The following PNKP variants were observed in gnomAD, a reference collection of about 807,000 sequenced individuals.
PNKP encodes bifunctional polynucleotide phosphatase/kinase.
Under a neutral mutation model 66.2 loss-of-function variants are expected in PNKP, and 82 were observed. The observed-to-expected ratio is 1.24, with a 90% CI of 1.04 to 1.49. The LOEUF (loss-of-function observed/expected upper bound fraction) is 1.49, where lower values mean the gene tolerates loss of function less well. Ranked by LOEUF, PNKP falls within the 40% of genes most tolerant of loss-of-function variation. PNKP has a pLI of 0.00. For missense variants in PNKP, 907 were observed against 706.8 expected, an observed-to-expected ratio of 1.28 and a Z score of -3.21; for synonymous variants, 412 against 298.9, an observed-to-expected ratio of 1.38 and a Z score of -3.90.
rs751664776 is a variant in PNKP, at chr19:49,862,532, C to T, written c.936+6G>A. ...TCGGGCGCGGGGCAGGGGGCAGGGG[C>T]CTCACCAGGCGATCGGCGCAGGAGA... is the stretch of plus-strand genomic sequence containing the variant. On this transcript the variant is annotated splice_donor_region_variant and intron_variant, in intron 10 of 16. Coordinates refer to ENST00000322344, the MANE Select transcript of PNKP (RefSeq NM_007254.4). 1.0e-5 allele frequency: 16 copies of T among 1,607,526 alleles called. No individual in the cohort carries two copies. Among genetic ancestry groups the T allele is most frequent in the Non-Finnish European group, 1.0e-5 (12 of 1,176,964 alleles).
chr19:49,863,645 GGAGT>G (rs1311766067), intron 8 of PNKP, 40 bp downstream of exon 8: 1 of 1,453,806 alleles, frequency 6.9e-7, no homozygotes, highest in Non-Finnish European at 9.4e-7. Flanking sequence ...GTGAGGGGCT[GGAGT>G]GAGGAAAAGG....
In PNKP at chr19:49,861,781, CT is replaced by C; in HGVS notation, c.1288del (p.Ser430AlafsTer37). 1.3e-6 allele frequency: 2 copies of C among 1,564,718 alleles called. No individual in the cohort carries two copies. Among genetic ancestry groups the C allele is most frequent in the Non-Finnish European group, 1.7e-6 (2 of 1,157,464 alleles). On this transcript the variant is annotated frameshift_variant, in exon 14 of 17. Coordinates refer to ENST00000322344, the MANE Select transcript of PNKP (RefSeq NM_007254.4). LOFTEE classifies it high-confidence loss of function. The part of the protein sequence containing the change: ...AIDNTNPDAA[S>X]RARYVQCARA... ...CCCGCGGTCACGCTACCTGGCGCGG[CT>C]CGCGGCGTCTGGGTTTGTGTTGTCG...
Position 49,865,169 on chromosome 19 carries a change from C to T in PNKP, c.456G>A (p.Lys152=), listed in dbSNP as rs752339576. ...KSNPGWENLE[K]LLVFTAAGVK... Reference sequence around the variant, plus strand: ...CCCCAGCTGCGGTGAACACTAGCAACTTCTCCAAGTTCTCCCAGCCGGGGT... The same window carrying T: ...CCCCAGCTGCGGTGAACACTAGCAATTTCTCCAAGTTCTCCCAGCCGGGGT... Residue 152 remains lysine, a synonymous_variant, in exon 4 of 17, where the codon AAG becomes AAA. Coordinates refer to ENST00000322344, the MANE Select transcript of PNKP (RefSeq NM_007254.4). The T allele has an allele frequency of 2.0e-5, 33 of 1,614,238 alleles. No individual in the cohort carries two copies. The South Asian group carries it at 3.3e-4, about 16-fold the overall frequency.
At chr19:49,862,663 C>T (rs746305526) in intron 9 of PNKP, 27 bp downstream of exon 9, 2 of 1,613,906 alleles carry the variant, frequency 1.2e-6, no homozygotes, top group Non-Finnish European at 1.7e-6. Context: ...CGTCCCAGCC[C>T]ACCCTCAGCA....
rs1238643725 is a variant in PNKP, at chr19:49,861,514, T to TG, written c.1387-5dup. On this transcript the variant is annotated splice_polypyrimidine_tract_variant and splice_region_variant and intron_variant, in intron 15 of 16. Coordinates refer to ENST00000322344, the MANE Select transcript of PNKP (RefSeq NM_007254.4). ...AGGAGTCCGTCATCTCTCGAAACTG[T>TG]GGGGAACATCAGAGGGGCGGCAGGC... 5.1e-6 allele frequency: 7 copies of TG among 1,372,942 alleles called. No individual in the cohort carries two copies. In the African/African-American group the frequency reaches 1.4e-4, roughly 27 times the overall value. The allele number at this position is 1,372,942 out of a possible 1,614,324, so 85.0% of individuals were successfully genotyped here. A position where few individuals can be genotyped will look rare whatever the true frequency, so the allele number is the denominator to read the frequency against.
Position 49,861,593 on chromosome 19 carries a change from G to A in PNKP, c.1386+15C>T. On this transcript the variant is annotated intron_variant, in intron 15 of 16. Coordinates refer to ENST00000322344, the MANE Select transcript of PNKP (RefSeq NM_007254.4). ...GGGGTGCAGCCCGGGGGGTGTCCGG[G>A]CTGAGCGGGCTCACCCGGTTGTTGT... 6.4e-7 allele frequency: 1 copy of A among 1,559,722 alleles called. No homozygotes were observed.
intron 14 of PNKP, 26 bp downstream of exon 14, chr19:49,861,746 C>CACCT: frequency 6.4e-7 from 1 of 1,556,548 alleles, no homozygotes; most frequent in Non-Finnish European, 8.7e-7. Context: ...CGCCGCAGGC[C>CACCT]ACCTACGGCC....
Position 49,861,568 on chromosome 19 carries a change from G to C in PNKP, c.1386+40C>G. ...GGGGTCAGGGGAGGAGGGGGGTCAG[G>C]GGGTGCAGCCCGGGGGGTGTCCGGG... On this transcript the variant is annotated intron_variant, in intron 15 of 16. Transcript: ENST00000322344. The C allele has an allele frequency of 6.4e-7, 1 of 1,559,848 alleles. No homozygotes were observed. The highest frequency in any genetic ancestry group is 1.4e-5 in the African/African-American group (1 of 73,572).
chr19:49,863,122 C>T (rs1288408412), intron 8 of PNKP, among the ~76,000 whole-genome samples: 1 of 152,232 alleles, frequency 6.6e-6, no homozygotes, highest in Non-Finnish European at 1.5e-5. Flanking sequence ...CCGCATGGGC[C>T]TCGCTGTCCC....
At position 49,861,264 on chromosome 19, in the gene PNKP, T is replaced by TGGCA. The variant is rs886037745; in HGVS notation, c.1546_1549dup (p.Gln517LeufsTer22). 6.2e-7 allele frequency: 1 copy of TGGCA among 1,607,930 alleles called. No individual in the cohort carries two copies. The highest frequency in any genetic ancestry group is 1.3e-5 in the African/African-American group (1 of 74,884). ...GGGCGGGGCTCAGCCCTCGGAGAACTGGCAGTACAGCCGCCCCAGCCTCGG... is the reference window on the plus strand; with the variant it reads ...GGGCGGGGCTCAGCCCTCGGAGAACTGGCAGGCAGTACAGCCGCCCCAGCCTCGG... On this transcript the variant is annotated frameshift_variant, in exon 17 of 17. Transcript: ENST00000322344. LOFTEE classifies it high-confidence loss of function.
In PNKP at chr19:49,862,554, G is replaced by A. The variant is rs1555811168; in HGVS notation, c.920C>T (p.Ser307Phe). 1 of 1,611,912 alleles carries A rather than the reference G, an allele frequency of 6.2e-7. No homozygotes were observed. Among genetic ancestry groups the A allele is most frequent in the East Asian group, 2.2e-5 (1 of 44,770 alleles). Residue 307 changes from serine to phenylalanine, a missense_variant, in exon 10 of 17, where the codon TCC becomes TTC. Physicochemically the swap from Ser to Phe is radical, Grantham distance 155. Transcript: ENST00000322344. ...GGGCCTCACCAGGCGATCGGCGCAG[G>A]AGAAGTCTTTCTTCTTCCGCCCCGG... ...WAPGRKKKDF[S>F]CADRLFALNL...
At chr19:49,867,239 T>C (rs1244347765) in intron 1 of PNKP, 22 bp from the exon 2 acceptor site, 2 of 1,589,066 alleles carry the variant, frequency 1.3e-6, no homozygotes, top group South Asian at 1.1e-5. Context: ...GTAAACGGGC[T>C]TGAGCGGCGC....
At position 49,864,330 on chromosome 19, in the gene PNKP, T is replaced by G. The variant is rs1322192989; in HGVS notation, c.572A>C (p.Asp191Ala). Reference protein sequence around the residue: ...SGKVFPTGPSDWRILYPEIPR... With the variant: ...SGKVFPTGPSAWRILYPEIPR... ...TTGTTTTGCCTCTTATCACCTCCAGTCACTGGGGCCAGTGGGAAAGACCTT... is the reference window on the plus strand; with the variant it reads ...TTGTTTTGCCTCTTATCACCTCCAGGCACTGGGGCCAGTGGGAAAGACCTT... Residue 191 changes from aspartate to alanine, a missense_variant, in exon 5 of 17, where the codon GAC (aspartate) becomes GCC (alanine). Physicochemically the swap from Asp to Ala is moderately radical, Grantham distance 126. Coordinates refer to ENST00000322344, the MANE Select transcript of PNKP (RefSeq NM_007254.4). 6.2e-7 allele frequency: 1 copy of G among 1,613,736 alleles called. No individual in the cohort carries two copies. Among genetic ancestry groups the G allele is most frequent in the African/African-American group, 1.3e-5 (1 of 75,028 alleles).
chr19:49,865,430 C>T lies in PNKP; in HGVS notation c.199-4G>A. 3 of 1,596,636 alleles carry T rather than the reference C, an allele frequency of 1.9e-6. No homozygotes were observed. The highest frequency in any genetic ancestry group is 1.1e-5 in the South Asian group (1 of 88,964). On this transcript the variant is annotated splice_polypyrimidine_tract_variant and splice_region_variant and intron_variant, in intron 3 of 16. Coordinates refer to ENST00000322344, the MANE Select transcript of PNKP (RefSeq NM_007254.4). Reference sequence around the variant, plus strand: ...TAGTTGAGGGGTTAACTCCCAGCTGCAGAAAGAGAGGGAGGAGCTGGGACT... The same window carrying T: ...TAGTTGAGGGGTTAACTCCCAGCTGTAGAAAGAGAGGGAGGAGCTGGGACT...
At chr19:49,863,662 G>T (rs2074796803) in intron 8 of PNKP, 27 bp downstream of exon 8, 1 of 1,535,814 alleles carries the variant, frequency 6.5e-7, no homozygotes, top group South Asian at 1.2e-5. Context: ...GGAAAAGGAG[G>T]GGGGCCGGGC....
chr19:49,864,801 C>T (rs2074805937), intron 4 of PNKP, among the ~76,000 whole-genome samples: 2 of 152,112 alleles, frequency 1.3e-5, no homozygotes, highest in Non-Finnish European at 2.9e-5. Flanking sequence ...GATTCAGCAT[C>T]GTAGAGATGA....
At chr19:49,867,274 T>C (rs1352497872) in intron 1 of PNKP, 57 bp from the exon 2 acceptor site, 3 of 1,481,782 alleles carry the variant, frequency 2.0e-6, no homozygotes, top group Admixed American at 2.0e-5. Context: ...CTGCAGGAAG[T>C]CCCGCCTCCT....
At chr19:49,863,845 ATG>A in intron 7 of PNKP, 85 bp from the exon 8 acceptor site, 2 of 1,377,644 alleles carry the variant, frequency 1.5e-6, no homozygotes, top group Non-Finnish European at 2.0e-6. Flanking sequence ...GTAGCTGATG[ATG>A]GGTTCCTATC....
chr19:49,867,391 C>T, intron 1 of PNKP, 78 bp downstream of exon 1: 2 of 656,088 alleles, frequency 3.0e-6, no homozygotes, highest in Admixed American at 2.8e-5. Flanking sequence ...TGCTCCATCC[C>T]TCCCCGAGTT....
Sources: gnomAD v4.1 joint callset for allele counts (sites outside exome capture counted in the v4.1 genomes callset) on GRCh38, gnomAD v4.1.1 for gene constraint, MANE v1.5 for transcripts, NCBI Gene and HGNC (gene_info 2026-07-23, HGNC 2026-07-21) for gene names.